Variants in ARHGAP15 observed in about 807,000 individuals in gnomAD.
ARHGAP15 encodes Rho GTPase activating protein 15.
ARHGAP15 carries 51 observed loss-of-function variants against 63.7 expected under a neutral mutation model. The observed-to-expected ratio is 0.80, with a 90% CI of 0.64 to 1.01. ARHGAP15 has a LOEUF of 1.01. Among genes scored for constraint, ARHGAP15 ranks in the 50% least tolerant of loss-of-function variants. The pLI, the probability that ARHGAP15 is intolerant of heterozygous loss-of-function variation, is 0.00. For missense variants in ARHGAP15, 560 were observed against 564.6 expected, an observed-to-expected ratio of 0.99 and a Z score of 0.08; for synonymous variants, 191 against 193.8, an observed-to-expected ratio of 0.99 and a Z score of 0.12.
At chr2:143,382,093 CCTCCCTCCCTTTCCTTCCTT>C (rs1389381062) in intron 6 of ARHGAP15, among the ~76,000 whole-genome samples, 94 of 28,346 alleles carry the variant, frequency 3.3e-3, no homozygotes, top group African/African-American at 0.014. Flanking sequence ...TTCCTTCCTT[CCTCCCTCCCTTTCCTTCCTT>C]CCTCCCTCCC....
intron 6 of ARHGAP15, among the ~76,000 whole-genome samples, chr2:143,394,694 G>A (rs974965561): frequency 6.6e-6 from 1 of 152,110 alleles, no homozygotes; most frequent in African/African-American, 2.4e-5. Context: ...AATCCTAGTT[G>A]AGGACTTATG....
At chr2:143,631,709 T>C (rs895503213) in intron 12 of ARHGAP15, among the ~76,000 whole-genome samples, 1 of 152,262 alleles carries the variant, frequency 6.6e-6, no homozygotes, top group African/African-American at 2.4e-5. Context: ...GTTAGTTCTT[T>C]ATCAAATATA....
At chr2:143,576,441 T>A (rs1696684362) in intron 11 of ARHGAP15, among the ~76,000 whole-genome samples, 1 of 152,144 alleles carries the variant, frequency 6.6e-6, no homozygotes, top group Admixed American at 6.6e-5. Flanking sequence ...TAATAATGTA[T>A]GGCACAGATA....
chr2:143,667,582 T>TAAAAAAAAAAA (rs71338146), intron 12 of ARHGAP15, among the ~76,000 whole-genome samples: 29 of 138,922 alleles, frequency 2.1e-4, no homozygotes, highest in Middle Eastern at 3.7e-3. Context: ...TAAAAAAAAT[T>TAAAAAAAAAAA]AAAAAAAAAA....
intron 8 of ARHGAP15, among the ~76,000 whole-genome samples, chr2:143,448,407 T>C (rs1690245685): frequency 6.6e-6 from 1 of 151,932 alleles, no homozygotes; most frequent in Admixed American, 6.6e-5. Context: ...ATGGCAGAGA[T>C]AGGTAGCACA....
intron 9 of ARHGAP15, among the ~76,000 whole-genome samples, chr2:143,501,773 C>A (rs1693074403): frequency 6.6e-6 from 1 of 152,108 alleles, no homozygotes; most frequent in African/African-American, 2.4e-5. Context: ...CTTGAGATGC[C>A]ACAGTGATAT....
In ARHGAP15 at chr2:143,206,695, C is replaced by T. The variant is rs1376030873; in HGVS notation, c.234+4493C>T. Among the ~76,000 whole-genome samples the T allele has an allele frequency of 8.6e-5, 13 of 151,862 alleles. No individual in the cohort carries two copies. In the East Asian group the frequency reaches 1.7e-3, roughly 20 times the overall value. Reference sequence around the variant, plus strand: ...ATTTATTGTTTTACTATTAAAACTTCGTATAAAGGCTGGCACACTGTAGTT... The same window carrying T: ...ATTTATTGTTTTACTATTAAAACTTTGTATAAAGGCTGGCACACTGTAGTT... On this transcript the variant is annotated intron_variant, in intron 3 of 13. Transcript: ENST00000295095.
intron 6 of ARHGAP15, among the ~76,000 whole-genome samples, chr2:143,260,331 T>TG (rs1407950864): frequency 6.6e-6 from 1 of 152,166 alleles, no homozygotes; most frequent in Non-Finnish European, 1.5e-5. Context: ...AGTACGGTTT[T>TG]AAGTTTCCAA....
At chr2:143,667,668 T>G (rs1373940368) in intron 12 of ARHGAP15, among the ~76,000 whole-genome samples, 1 of 151,542 alleles carries the variant, frequency 6.6e-6, no homozygotes, top group East Asian at 1.9e-4. Flanking sequence ...TATCATAATT[T>G]GTGATAACTT....
At chr2:143,237,370 A>T (rs1486033569) in intron 5 of ARHGAP15, 1 of 152,208 alleles carries the variant, frequency 6.6e-6, no homozygotes, top group Non-Finnish European at 1.5e-5. Flanking sequence ...TTAGTAAATC[A>T]CAGGACATCT....
intron 8 of ARHGAP15, among the ~76,000 whole-genome samples, chr2:143,470,530 A>G (rs1453199346): frequency 6.6e-6 from 1 of 150,490 alleles, no homozygotes; most frequent in Non-Finnish European, 1.5e-5. Context: ...TTTGTTTTAT[A>G]TATATATATA....
At chr2:143,232,094 A>G (rs551136308) in intron 5 of ARHGAP15, among the ~76,000 whole-genome samples, 1 of 152,346 alleles carries the variant, frequency 6.6e-6, no homozygotes, top group South Asian at 2.1e-4. Flanking sequence ...AAATAAGCAC[A>G]GAATCACTTT....
chr2:143,651,097 C>T (rs1170323606), intron 12 of ARHGAP15, among the ~76,000 whole-genome samples: 1 of 151,860 alleles, frequency 6.6e-6, no homozygotes, highest in Non-Finnish European at 1.5e-5. Flanking sequence ...ATACAGGTTT[C>T]CTAGTCTTAC....
intron 12 of ARHGAP15, among the ~76,000 whole-genome samples, chr2:143,677,447 C>G (rs1176515006): frequency 1.3e-5 from 2 of 152,070 alleles, no homozygotes. Context: ...CCTCAAGTAC[C>G]CACAGAAATT....
At chr2:143,665,180 C>T (rs891631710) in intron 12 of ARHGAP15, among the ~76,000 whole-genome samples, 30 of 148,534 alleles carry the variant, frequency 2.0e-4, no homozygotes, top group Admixed American at 1.5e-3. Flanking sequence ...AAAATACTGG[C>T]AAAACGAATC....
chr2:143,160,899 G>T (rs1455238850), intron 2 of ARHGAP15, among the ~76,000 whole-genome samples: 2 of 149,184 alleles, frequency 1.3e-5, no homozygotes, highest in Non-Finnish European at 2.9e-5. Context: ...AAGAGCTAGG[G>T]CTCTCACAAC....
intron 1 of ARHGAP15, among the ~76,000 whole-genome samples, chr2:143,133,069 T>C (rs1688975870): frequency 6.6e-6 from 1 of 152,214 alleles, no homozygotes. Flanking sequence ...CATTTTTGCA[T>C]TCCTGTTATT....
intron 1 of ARHGAP15, among the ~76,000 whole-genome samples, chr2:143,147,477 G>C (rs1181661684): frequency 2.6e-5 from 4 of 151,980 alleles, no homozygotes; most frequent in African/African-American, 7.2e-5. Context: ...TAAGAAGATT[G>C]CCATTTTATA....
chr2:143,209,467 T>C (rs1368342022), intron 3 of ARHGAP15, among the ~76,000 whole-genome samples: 1 of 152,056 alleles, frequency 6.6e-6, no homozygotes, highest in African/African-American at 2.4e-5. Context: ...CATGTCCCTT[T>C]CTAGAGAAGC....
Sources: allele counts gnomAD v4.1 joint callset (sites outside exome capture counted in the v4.1 genomes callset), GRCh38; gene constraint gnomAD v4.1.1; transcripts MANE v1.5; gene names NCBI Gene and HGNC (gene_info 2026-07-23, HGNC 2026-07-21).